Variants in NEB observed in about 807,000 individuals in gnomAD.
The protein encoded by NEB is nemaline myopathy type 2.
Under a neutral mutation model 952.2 loss-of-function variants are expected in NEB, and 512 were observed. The ratio of observed to expected loss-of-function variants is 0.54; its 90% CI spans 0.50 to 0.58. NEB has a LOEUF of 0.58. Among genes scored for constraint, NEB ranks in the 20% least tolerant of loss-of-function variants. The pLI, the probability that NEB is intolerant of heterozygous loss-of-function variation, is 0.00. For synonymous variants in NEB, 2,900 were observed against 3,149.8 expected (o/e 0.92, Z 2.66); for missense variants, 8,428 against 9,231.1 (o/e 0.91, Z 3.56).
rs1578007071 is a variant in NEB at position 151,570,155 on chromosome 2, G to A, written c.17356C>T (p.Leu5786=). The stretch of plus-strand genomic sequence containing the variant: ...TCGGGCATGCAGGTCCACTGGTGCA[G>A]GTAATTGCGGTAATCCATGTCACTG... ...LVSDMDYRNY[L]HQWTCMPDQN... is the part of the protein sequence containing the mutation. Residue 5786 remains leucine (L), a synonymous_variant, in exon 109 of 182, where the codon CTG becomes TTG. Coordinates refer to ENST00000397345, the MANE Select transcript of NEB (RefSeq NM_001164508.2). 6.2e-7 allele frequency: 1 copy of A among 1,613,430 alleles called. No individual in the cohort carries two copies. Among genetic ancestry groups the A allele is most frequent in the Non-Finnish European group, 8.5e-7 (1 of 1,179,692 alleles).
At chr2:151,623,500 A>G (rs535691730) in intron 71 of NEB, among the ~76,000 whole-genome samples, 1 of 152,310 alleles carries the variant, frequency 6.6e-6, no homozygotes, top group South Asian at 2.1e-4. Flanking sequence ...TGAATTAAGG[A>G]TACCGGACTA....
intron 88 of NEB, among the ~76,000 whole-genome samples, chr2:151,601,431 A>G: frequency 7.4e-6 from 1 of 134,540 alleles, no homozygotes; most frequent in Non-Finnish European, 1.6e-5. Flanking sequence ...TTAATTATAA[A>G]CTTATTTTAA....
At chr2:151,552,419 C>T (rs1183031520) in intron 128 of NEB, among the ~76,000 whole-genome samples, 3 of 152,158 alleles carry the variant, frequency 2.0e-5, no homozygotes, top group East Asian at 1.9e-4. Context: ...ACAAAAAACA[C>T]GTTGGAAGTG....
chr2:151,578,918 A>T lies in NEB; in HGVS notation c.16704+420T>A, dbSNP rs2097012239. Among the ~76,000 whole-genome samples, 4 of 151,334 alleles carry T rather than the reference A, an allele frequency of 2.6e-5. No individual in the cohort carries two copies. The South Asian group carries it at 8.4e-4, about 32-fold the overall frequency. ...CCAAGATGGCAAAGACCTGTCTCTAATAAAAATACAAAAATCAGCTGGGTG... is the reference window on the plus strand; with the variant it reads ...CCAAGATGGCAAAGACCTGTCTCTATTAAAAATACAAAAATCAGCTGGGTG... On this transcript the variant is annotated intron_variant, in intron 105 of 181. Transcript: ENST00000397345.
At chr2:151,683,338 A>G (rs2148771172) in intron 28 of NEB, among the ~76,000 whole-genome samples, 1 of 152,300 alleles carries the variant, frequency 6.6e-6, no homozygotes, top group Non-Finnish European at 1.5e-5. Flanking sequence ...GAGGGCGGTT[A>G]TTATTTGGAA....
At chr2:151,643,422 T>C in intron 57 of NEB, 69 bp from the exon 58 acceptor site, 2 of 1,331,304 alleles carry the variant, frequency 1.5e-6, no homozygotes, top group South Asian at 1.5e-5. Context: ...TTTGTCATAA[T>C]TAAATCATTT....
At chr2:151,497,058 A>AAAAC (rs760584399) in intron 171 of NEB, 25 bp from the exon 172 acceptor site, 37 of 1,552,484 alleles carry the variant, frequency 2.4e-5, no homozygotes, top group African/African-American at 2.7e-5. Context: ...AGCAACCAGA[A>AAAAC]AAACAACCAT....
In NEB at chr2:151,617,359, C is replaced by T; in HGVS notation, c.11181+5G>A. The T allele has an allele frequency of 3.3e-6, 5 of 1,526,286 alleles. 1 individual carries two copies. The South Asian group carries it at 3.6e-5, about 11-fold the overall frequency. The allele number at this position is 1,526,286 out of a possible 1,614,324, so 94.5% of individuals were successfully genotyped here. On this transcript the variant is annotated splice_donor_5th_base_variant and intron_variant, in intron 75 of 181. Coordinates refer to ENST00000397345, the MANE Select transcript of NEB (RefSeq NM_001164508.2). ...TGTTCATTACAAGATCAACAGTTTA[C>T]TTACATCACTGTAGTTTATTCGGTT...
chr2:151,660,563 T>C (rs536875096), intron 46 of NEB, among the ~76,000 whole-genome samples: 1 of 152,352 alleles, frequency 6.6e-6, no homozygotes, highest in Non-Finnish European at 1.5e-5. Context: ...TCTCTTTGTT[T>C]TAGCCCATCT....
chr2:151,671,051 G>T lies in NEB; in HGVS notation c.4478C>A (p.Ala1493Asp). 1.9e-6 allele frequency: 3 copies of T among 1,613,906 alleles called. No individual in the cohort carries two copies. The highest frequency in any genetic ancestry group is 2.5e-6 in the Non-Finnish European group (3 of 1,179,832). Residue 1493 changes from alanine (A) to aspartate (D), a missense_variant, in exon 38 of 182, where the codon GCT becomes GAT. Coordinates refer to ENST00000397345, the MANE Select transcript of NEB (RefSeq NM_001164508.2). ...SVPDSMGMVL[A>D]QHNTKQLSDL... ...ACTTAGCTGCTTTGTGTTATGCTGA[G>T]CCAACACCATGCCCATGGAATCAGG... is the stretch of plus-strand genomic sequence containing the variant.
At chr2:151,644,251 T>C in intron 56 of NEB, 122 bp from the exon 57 acceptor site, 1 of 1,368,098 alleles carries the variant, frequency 7.3e-7, no homozygotes, top group African/African-American at 1.5e-5. Flanking sequence ...AAGACTTCAG[T>C]CTTTTGATAA....
At chr2:151,719,510 C>T (rs1182036871) in intron 9 of NEB, among the ~76,000 whole-genome samples, 1 of 152,176 alleles carries the variant, frequency 6.6e-6, no homozygotes. Flanking sequence ...CTTTCATGGA[C>T]ATCAAATCAA....
chr2:151,727,035 G>A lies in NEB; in HGVS notation c.294+656C>T, dbSNP rs554368027. On this transcript the variant is annotated intron_variant, in intron 5 of 181. Coordinates refer to ENST00000397345, the MANE Select transcript of NEB (RefSeq NM_001164508.2). ...ATTGCTTGATCCAGCCTGGGCTACA[G>A]AGAAAGATTCTGTTTCTTAAAAAAA... 3.4e-5 allele frequency among the ~76,000 whole-genome samples: 5 copies of A among 146,090 alleles called. No homozygotes were observed. In the South Asian group the frequency reaches 1.1e-3, roughly 32 times the overall value.
chr2:151,490,531 CA>C lies in NEB; in HGVS notation c.25151-14del, dbSNP rs2055524508. The C allele has an allele frequency of 1.2e-6, 2 of 1,606,296 alleles. No homozygotes were observed. Among genetic ancestry groups the C allele is most frequent in the African/African-American group, 2.7e-5 (2 of 74,796 alleles). On this transcript the variant is annotated splice_polypyrimidine_tract_variant and intron_variant, in intron 179 of 181. Transcript: ENST00000397345. ...CGCTGAGCTTGGACTGGGAGAGATG[CA>C]GTTGGGGGAGATGTAGCAAACATGA...
In NEB at chr2:151,640,024, T is replaced by G. The variant is rs756146889; in HGVS notation, c.8722A>C (p.Ile2908Leu). Residue 2908 changes from isoleucine to leucine, a missense_variant, in exon 62 of 182, where the codon ATT becomes CTT. Transcript: ENST00000397345. ...YKSDLQWMRG[I>L]GWVSIGSLDV... is the part of the protein sequence containing the mutation. ...AAAGAGCCAATGGACACCCAGCCAA[T>G]GCCTCTCATCCACTGGAGATCAGAC... 2 of 1,613,838 alleles carry G rather than the reference T, an allele frequency of 1.2e-6. No individual in the cohort carries two copies. The highest frequency in any genetic ancestry group is 1.7e-6 in the Non-Finnish European group (2 of 1,179,838).
intron 152 of NEB, 47 bp downstream of exon 152, chr2:151,524,468 T>G: frequency 6.2e-7 from 1 of 1,611,636 alleles, no homozygotes. Flanking sequence ...CTGGCATGCC[T>G]TGGCAATGGC....
At position 151,639,962 on chromosome 2, in the gene NEB, C is replaced by T. The variant is rs1366039360; in HGVS notation, c.8784G>A (p.Leu2928=). The T allele has an allele frequency of 6.2e-7, 1 of 1,613,866 alleles. No homozygotes were observed. Among genetic ancestry groups the T allele is most frequent in the Non-Finnish European group, 8.5e-7 (1 of 1,179,874 alleles). The change falls in exon 62 of 182, where the codon TTG becomes TTA. Residue 2928 remains leucine (L), a synonymous_variant. Transcript: ENST00000397345. ...VEKCKRATEI[L]SDKIYRQPPD... Reference sequence around the variant, plus strand: ...GAGGCTGGCGATAGATTTTATCACTCAAAATTTCAGTTGCCCTTTTGCATT... The same window carrying T: ...GAGGCTGGCGATAGATTTTATCACTTAAAATTTCAGTTGCCCTTTTGCATT...
rs200662106 is a variant in NEB, at chr2:151,567,151, A to C, written c.18156+17T>G. Reference sequence around the variant, plus strand: ...TACCATGCGTTTCTAGATAATGAAGAAACAAAAATCACTTACATCACTCTG... The same window carrying C: ...TACCATGCGTTTCTAGATAATGAAGCAACAAAAATCACTTACATCACTCTG... On this transcript the variant is annotated intron_variant, in intron 114 of 181. Coordinates refer to ENST00000397345, the MANE Select transcript of NEB (RefSeq NM_001164508.2). The C allele has an allele frequency of 6.2e-5, 96 of 1,557,498 alleles. 1 individual carries two copies. The Admixed American group carries it at 1.7e-3, about 28-fold the overall frequency.
At chr2:151,656,520 C>T in intron 48 of NEB, 56 bp from the exon 49 acceptor site, 2 of 1,157,204 alleles carry the variant, frequency 1.7e-6, no homozygotes, top group South Asian at 5.2e-5. Flanking sequence ...AAAAATCGAT[C>T]TAGTGTCAAT....
Sources: gnomAD v4.1 joint callset for allele counts (sites outside exome capture counted in the v4.1 genomes callset) on GRCh38, gnomAD v4.1.1 for gene constraint, MANE v1.5 for transcripts, NCBI Gene and HGNC (gene_info 2026-07-23, HGNC 2026-07-21) for gene names.